CBFA2T3: variants seen among roughly 807,000 people sequenced by gnomAD.
CBFA2T3 encodes transcriptional corepressor CBFA2T3.
A neutral mutation model predicts 58.6 loss-of-function variants in CBFA2T3; 31 were observed. The ratio of observed to expected loss-of-function variants is 0.53; its 90% CI spans 0.40 to 0.71. CBFA2T3 has a LOEUF of 0.71. Among genes scored for constraint, CBFA2T3 ranks in the 30% least tolerant of loss-of-function variants. The pLI is 0.00. For missense variants in CBFA2T3, 1,076 were observed against 963.1 expected (o/e 1.12, Z -1.55); for synonymous variants, 531 against 421.9 (o/e 1.26, Z -3.17).
intron 1 of CBFA2T3, among the ~76,000 whole-genome samples, chr16:88,935,799 G>T (rs544552184): frequency 1.3e-5 from 2 of 152,352 alleles, no homozygotes; most frequent in African/African-American, 2.4e-5. Flanking sequence ...GGACGAGGCT[G>T]ATGGTCCCAG....
At chr16:88,891,739 T>A in intron 5 of CBFA2T3, 143 bp downstream of exon 5, 2 of 629,050 alleles carry the variant, frequency 3.2e-6, no homozygotes, top group South Asian at 3.7e-5. Context: ...CCAAGATCGA[T>A]GCCTCACACC....
intron 1 of CBFA2T3, among the ~76,000 whole-genome samples, chr16:88,947,783 G>A (rs1266713810): frequency 6.6e-6 from 1 of 152,132 alleles, no homozygotes; most frequent in African/African-American, 2.4e-5. Context: ...GTGTGGTGGT[G>A]CGTGCCTGTA....
At chr16:88,976,547 G>A in intron 1 of CBFA2T3, 110 bp downstream of exon 1, 1 of 787,786 alleles carries the variant, frequency 1.3e-6, no homozygotes, top group South Asian at 1.7e-5. Context: ...ATCCGTGCCG[G>A]CACTGTCAAC....
Position 88,879,315 on chromosome 16 carries a change from G to A in CBFA2T3, c.1617C>T (p.Ser539=), listed in dbSNP as rs200091225. The part of the protein sequence containing the change: ...RALAEAKRQA[S]EDALTVINQQ... ...GGTTGATGACCGTCAGGGCGTCCTC[G>A]GAGGCCTGCCGCTTCGCCTCGGCCA... The change falls in exon 11 of 12, where the codon TCC becomes TCT. Residue 539 remains serine, a synonymous_variant. Coordinates refer to ENST00000268679, the MANE Select transcript of CBFA2T3 (RefSeq NM_005187.6). 1.8e-5 allele frequency: 29 copies of A among 1,609,668 alleles called. No individual in the cohort carries two copies. The East Asian group carries it at 2.5e-4, about 14-fold the overall frequency.
At chr16:88,938,140 C>T (rs1279476287) in intron 1 of CBFA2T3, 2 of 152,254 alleles carry the variant, frequency 1.3e-5, no homozygotes, top group South Asian at 2.1e-4. Context: ...GTCAAGTTCT[C>T]CCACCCGTGC....
intron 1 of CBFA2T3, among the ~76,000 whole-genome samples, chr16:88,907,317 A>G (rs75876034): frequency 0.022 from 3,355 of 151,696 alleles, 81 homozygotes; most frequent in African/African-American, 0.053. Flanking sequence ...TGTGGCCTAC[A>G]CAAGTATCCT....
intron 5 of CBFA2T3, among the ~76,000 whole-genome samples, chr16:88,890,129 G>C (rs1053350181): frequency 1.3e-5 from 2 of 152,022 alleles, no homozygotes; most frequent in Non-Finnish European, 2.9e-5. Flanking sequence ...TGCCCCGCGT[G>C]AATCTAGAAC....
chr16:88,879,707 G>A (rs1043179616), intron 10 of CBFA2T3: 2 of 486,948 alleles, frequency 4.1e-6, no homozygotes, highest in East Asian at 3.1e-5. Flanking sequence ...ATAAACACAG[G>A]CATCCCAGGC....
At chr16:88,897,963 G>C in intron 3 of CBFA2T3, 115 bp downstream of exon 3, 1 of 778,798 alleles carries the variant, frequency 1.3e-6, no homozygotes, top group South Asian at 1.4e-5. Context: ...CAATGCTGAG[G>C]GTGCGGAGGC....
At position 88,882,746 on chromosome 16, in the gene CBFA2T3, C is replaced by T. The variant is rs138121416; in HGVS notation, c.1133G>A (p.Arg378Gln). Residue 378 changes from arginine to glutamine, a missense_variant, in exon 8 of 12, where the codon CGG (arginine) becomes CAG (glutamine). Coordinates refer to ENST00000268679, the MANE Select transcript of CBFA2T3 (RefSeq NM_005187.6). ...CTTGTGGTCGATCACTTCTTCCTGC[C>T]GGGACCCAGGCACCACTGTGGATGG... ...RHRPLVVPGS[R>Q]QEEVIDHKLT... The T allele has an allele frequency of 1.2e-4, 191 of 1,581,046 alleles. No individual in the cohort carries two copies. Among genetic ancestry groups the T allele is most frequent in the Middle Eastern group, 3.3e-4 (2 of 6,054 alleles).
chr16:88,935,380 C>G (rs1971464146), intron 1 of CBFA2T3, among the ~76,000 whole-genome samples: 1 of 152,206 alleles, frequency 6.6e-6, no homozygotes, highest in African/African-American at 2.4e-5. Flanking sequence ...GCGTGGGGAC[C>G]CTGGTGGTGC....
intron 1 of CBFA2T3, among the ~76,000 whole-genome samples, chr16:88,973,523 C>A (rs531644943): frequency 9.2e-5 from 14 of 152,288 alleles, no homozygotes; most frequent in African/African-American, 3.4e-4. Flanking sequence ...GATAGAAACA[C>A]CCGGGGAGGG....
At chr16:88,928,908 C>T (rs568685485) in intron 1 of CBFA2T3, among the ~76,000 whole-genome samples, 57 of 152,292 alleles carry the variant, frequency 3.7e-4, no homozygotes, top group African/African-American at 1.3e-3. Flanking sequence ...GCCAGCAGCG[C>T]AAAGGCCCTG....
intron 1 of CBFA2T3, among the ~76,000 whole-genome samples, chr16:88,904,049 C>T (rs989730228): frequency 3.9e-5 from 6 of 152,362 alleles, no homozygotes; most frequent in East Asian, 3.9e-4. Flanking sequence ...CGTCATGCCA[C>T]GGCGCAAGGA....
At chr16:88,909,990 T>A (rs1970477356) in intron 1 of CBFA2T3, among the ~76,000 whole-genome samples, 1 of 152,034 alleles carries the variant, frequency 6.6e-6, no homozygotes, top group Non-Finnish European at 1.5e-5. Context: ...CCACGGCGGC[T>A]CCCACGGCGG....
chr16:88,962,147 C>T lies in CBFA2T3; in HGVS notation c.151+14510G>A, dbSNP rs557724895. 7.2e-5 allele frequency among the ~76,000 whole-genome samples: 11 copies of T among 152,186 alleles called. No individual in the cohort carries two copies. In the South Asian group the frequency reaches 1.7e-3, roughly 23 times the overall value. On this transcript the variant is annotated intron_variant, in intron 1 of 11. Coordinates refer to ENST00000268679, the MANE Select transcript of CBFA2T3 (RefSeq NM_005187.6). Reference sequence around the variant, plus strand: ...AACCAACACTCAGCACTGGGCATTCCCATTCCATAGTAACCGACACTCAGC... The same window carrying T: ...AACCAACACTCAGCACTGGGCATTCTCATTCCATAGTAACCGACACTCAGC...
At chr16:88,878,392 G>A (rs950898732) in intron 11 of CBFA2T3, among the ~76,000 whole-genome samples, 3 of 152,202 alleles carry the variant, frequency 2.0e-5, no homozygotes, top group African/African-American at 7.2e-5. Context: ...TGCACACAGG[G>A]GCTTCAGATA....
At chr16:88,900,738 G>A (rs562413200) in intron 2 of CBFA2T3, among the ~76,000 whole-genome samples, 1 of 152,292 alleles carries the variant, frequency 6.6e-6, no homozygotes, top group South Asian at 2.1e-4. Context: ...CTGCCACCCC[G>A]CCGGCCCAGC....
At chr16:88,975,527 A>C (rs1373715122) in intron 1 of CBFA2T3, among the ~76,000 whole-genome samples, 2 of 152,242 alleles carry the variant, frequency 1.3e-5, no homozygotes, top group African/African-American at 4.8e-5. Flanking sequence ...ACTCAGCGCC[A>C]GGGGATAGAC....
Sources: allele counts gnomAD v4.1 joint callset (sites outside exome capture counted in the v4.1 genomes callset), GRCh38; gene constraint gnomAD v4.1.1; transcripts MANE v1.5; gene names NCBI Gene and HGNC (gene_info 2026-07-23, HGNC 2026-07-21).